FHIT: variants seen among roughly 807,000 people sequenced by gnomAD.
FHIT encodes fragile histidine triad diadenosine triphosphatase, also known as bis(5'-adenosyl)-triphosphatase.
Under a neutral mutation model 17.9 loss-of-function variants are expected in FHIT, and 19 were observed. The observed-to-expected ratio is 1.06, with a 90% CI of 0.74 to 1.56. The LOEUF is 1.56. FHIT is among the 40% of genes most tolerant of loss of function. FHIT has a pLI of 0.00. For missense variants in FHIT, 248 were observed against 189.2 expected (o/e 1.31, Z -1.82); for synonymous variants, 81 against 69.7 (o/e 1.16, Z -0.81).
At chr3:59,819,484 T>C (rs1361419375) in intron 8 of FHIT, among the ~76,000 whole-genome samples, 1 of 152,172 alleles carries the variant, frequency 6.6e-6, no homozygotes, top group Admixed American at 6.5e-5. Flanking sequence ...ATTTAATTTT[T>C]AGAAATTATT....
intron 5 of FHIT, among the ~76,000 whole-genome samples, chr3:60,095,294 G>A (rs1396189617): frequency 6.6e-6 from 1 of 152,196 alleles, no homozygotes; most frequent in African/African-American, 2.4e-5. Flanking sequence ...CAGGTGGAAT[G>A]TTTAAAGATC....
intron 5 of FHIT, among the ~76,000 whole-genome samples, chr3:60,103,160 C>A (rs1036928443): frequency 6.6e-5 from 10 of 152,136 alleles, no homozygotes; most frequent in Admixed American, 1.3e-4. Flanking sequence ...GTTTTACCCC[C>A]TACCACAGGA....
intron 4 of FHIT, among the ~76,000 whole-genome samples, chr3:60,733,949 G>T (rs1322238721): frequency 6.6e-6 from 1 of 152,108 alleles, no homozygotes; most frequent in Non-Finnish European, 1.5e-5. Flanking sequence ...AGTCTCCATA[G>T]TTAAGGTAAT....
intron 2 of FHIT, among the ~76,000 whole-genome samples, chr3:61,171,150 C>A (rs1438075550): frequency 6.6e-6 from 1 of 152,172 alleles, no homozygotes; most frequent in African/African-American, 2.4e-5. Context: ...GCCATTCTGA[C>A]TGGTGTGAGA....
chr3:60,095,259 C>G (rs1004774811), intron 5 of FHIT, among the ~76,000 whole-genome samples: 1 of 152,202 alleles, frequency 6.6e-6, no homozygotes, highest in Non-Finnish European at 1.5e-5. Flanking sequence ...GCAGTGCATA[C>G]ATTCCATTTA....
intron 4 of FHIT, among the ~76,000 whole-genome samples, chr3:60,778,204 A>AT (rs1446891295): frequency 2.0e-5 from 3 of 152,246 alleles, no homozygotes; most frequent in South Asian, 4.1e-4. Context: ...TAAGGTTTTT[A>AT]TGTTAAGTTA....
intron 4 of FHIT, among the ~76,000 whole-genome samples, chr3:60,650,268 T>G (rs1359454376): frequency 6.6e-6 from 1 of 152,206 alleles, no homozygotes; most frequent in Non-Finnish European, 1.5e-5. Context: ...CAGTCATTTC[T>G]TTGTCTTAGT....
intron 7 of FHIT, among the ~76,000 whole-genome samples, chr3:59,969,517 T>C (rs1441153870): frequency 6.6e-6 from 1 of 152,104 alleles, no homozygotes; most frequent in Non-Finnish European, 1.5e-5. Context: ...GAAGTGCTTG[T>C]TTGCTTTTCA....
At chr3:61,139,566 T>C (rs1374524698) in intron 2 of FHIT, among the ~76,000 whole-genome samples, 4 of 142,384 alleles carry the variant, frequency 2.8e-5, no homozygotes, top group Admixed American at 7.4e-5. Flanking sequence ...ACTACACTTA[T>C]TGTAGTTTTT....
chr3:60,981,264 G>T (rs1342687205), intron 3 of FHIT, among the ~76,000 whole-genome samples: 2 of 151,188 alleles, frequency 1.3e-5, no homozygotes, highest in African/African-American at 4.9e-5. Context: ...TCTCTGACCA[G>T]GCCTTTTCTC....
chr3:61,061,009 T>C (rs774872448), intron 2 of FHIT, among the ~76,000 whole-genome samples: 12 of 152,224 alleles, frequency 7.9e-5, no homozygotes, highest in Non-Finnish European at 1.8e-4. Context: ...TCCTTGAGCA[T>C]GTCTTCCCAT....
chr3:61,096,796 GA>G (rs1004847299), intron 2 of FHIT, among the ~76,000 whole-genome samples: 11 of 152,276 alleles, frequency 7.2e-5, no homozygotes, highest in African/African-American at 2.6e-4. Flanking sequence ...GGCCTCAACT[GA>G]AGGGGTTGGG....
At chr3:60,088,972 C>A (rs1044726219) in intron 5 of FHIT, among the ~76,000 whole-genome samples, 3 of 152,104 alleles carry the variant, frequency 2.0e-5, no homozygotes, top group African/African-American at 4.8e-5. Context: ...TGCTTTTAGG[C>A]CAATTCAGTT....
At chr3:60,549,760 G>C (rs542574938) in intron 4 of FHIT, among the ~76,000 whole-genome samples, 48 of 152,254 alleles carry the variant, frequency 3.2e-4, no homozygotes. Flanking sequence ...AGGCAACCAG[G>C]AAGTCAGACA....
chr3:60,811,102 T>C (rs1190886772), intron 4 of FHIT, among the ~76,000 whole-genome samples: 2 of 152,142 alleles, frequency 1.3e-5, no homozygotes, highest in Non-Finnish European at 2.9e-5. Context: ...GTAAAAGTCT[T>C]TCGCACAGTT....
intron 4 of FHIT, among the ~76,000 whole-genome samples, chr3:60,717,115 T>C (rs1423659521): frequency 1.3e-5 from 2 of 152,082 alleles, no homozygotes; most frequent in Admixed American, 6.6e-5. Flanking sequence ...AAGCAGGTAG[T>C]AGAAGGTTGG....
intron 3 of FHIT, among the ~76,000 whole-genome samples, chr3:60,984,016 C>G (rs1047992770): frequency 6.6e-6 from 1 of 152,120 alleles, no homozygotes; most frequent in African/African-American, 2.4e-5. Context: ...GAAAAATCCA[C>G]CAAAGGGAAG....
At chr3:59,785,070 C>A (rs1309090295) in intron 8 of FHIT, among the ~76,000 whole-genome samples, 1 of 151,998 alleles carries the variant, frequency 6.6e-6, no homozygotes, top group Non-Finnish European at 1.5e-5. Flanking sequence ...AGTTGCCGCA[C>A]ACTTTTAAAC....
chr3:60,048,314 C>T (rs1559581654), intron 5 of FHIT, among the ~76,000 whole-genome samples: 2 of 152,080 alleles, frequency 1.3e-5, no homozygotes, highest in Non-Finnish European at 1.5e-5. Context: ...GTAGCTGGGA[C>T]TACGGACATG....
Sources: gnomAD v4.1 joint callset for allele counts (sites outside exome capture counted in the v4.1 genomes callset) on GRCh38, gnomAD v4.1.1 for gene constraint, MANE v1.5 for transcripts, NCBI Gene and HGNC (gene_info 2026-07-23, HGNC 2026-07-21) for gene names.